Variants in CCDC6 observed in about 807,000 individuals in gnomAD.
CCDC6 encodes coiled-coil domain containing 6, also known as coiled-coil domain-containing protein 6.
CCDC6 carries 20 observed loss-of-function variants against 56.6 expected under a neutral mutation model. The observed-to-expected ratio is 0.35, with a 90% CI of 0.25 to 0.51. The LOEUF is 0.51. CCDC6 is among the 20% of genes least tolerant of loss of function. The probability of loss-of-function intolerance (pLI) is 0.95; values close to 1 mark genes in which losing one functional copy is unlikely to be tolerated. For synonymous variants in CCDC6, 241 were observed against 234.4 expected, an observed-to-expected ratio of 1.03 and a Z score of -0.26; for missense variants, 367 against 601.1, an observed-to-expected ratio of 0.61 and a Z score of 4.07.
In CCDC6 at chr10:59,825,721, T is replaced by C. The variant is rs1016599431; in HGVS notation, c.582+6804A>G. Among the ~76,000 whole-genome samples the C allele has an allele frequency of 5.3e-5, 8 of 152,206 alleles. No homozygotes were observed. The East Asian group carries it at 9.6e-4, about 18-fold the overall frequency. ...CAGTTTGGTTATATTTTTGAATGAA[T>C]TGCCTTCTAGACAACCAAGGCAGAA... is the stretch of plus-strand genomic sequence containing the variant. On this transcript the variant is annotated intron_variant, in intron 3 of 8. Coordinates refer to ENST00000263102, the MANE Select transcript of CCDC6 (RefSeq NM_005436.5).
At chr10:59,858,693 T>A (rs2071099377) in intron 1 of CCDC6, among the ~76,000 whole-genome samples, 1 of 152,178 alleles carries the variant, frequency 6.6e-6, no homozygotes. Context: ...CCTCATCATG[T>A]CAGTTCAAAA....
At chr10:59,872,137 T>C (rs189660603) in intron 1 of CCDC6, among the ~76,000 whole-genome samples, 1 of 152,360 alleles carries the variant, frequency 6.6e-6, no homozygotes, top group East Asian at 1.9e-4. Flanking sequence ...ATCTCTATGA[T>C]TAAATGTTCC....
At chr10:59,871,285 C>A (rs1018053666) in intron 1 of CCDC6, among the ~76,000 whole-genome samples, 1 of 151,956 alleles carries the variant, frequency 6.6e-6, no homozygotes, top group Admixed American at 6.6e-5. Flanking sequence ...ATCTGTCACA[C>A]CACATTCGCA....
chr10:59,815,459 G>A (rs1298975854), intron 3 of CCDC6, among the ~76,000 whole-genome samples: 1 of 152,146 alleles, frequency 6.6e-6, no homozygotes, highest in Non-Finnish European at 1.5e-5. Context: ...ACTGGATAAT[G>A]GGGGCATAGC....
chr10:59,816,598 T>C (rs1003717476), intron 3 of CCDC6, among the ~76,000 whole-genome samples: 4 of 152,222 alleles, frequency 2.6e-5, no homozygotes, highest in African/African-American at 9.6e-5. Context: ...ACAAAAATAA[T>C]GTCTGGCTCA....
At position 59,789,832 on chromosome 10, in the gene CCDC6, T is replaced by TCA. The variant is rs2070452594; in HGVS notation, c.*3084_*3085insTG. 4.6e-6 allele frequency: 1 copy of TCA among 218,826 alleles called. No homozygotes were observed. Among genetic ancestry groups the TCA allele is most frequent in the Non-Finnish European group, 9.2e-6 (1 of 108,818 alleles). The allele number at this position is 218,826 out of a possible 1,614,324, so 13.6% of individuals were successfully genotyped here. ...TTCATGTCTACCTAACAAAGGGTGATACATGTTCTATTTTCCTACAAGTGA... is the reference window on the plus strand; with the variant it reads ...TTCATGTCTACCTAACAAAGGGTGATCAACATGTTCTATTTTCCTACAAGTGA... On this transcript the variant is annotated 3_prime_UTR_variant, in exon 9 of 9. Transcript: ENST00000263102.
chr10:59,843,953 T>G (rs2070966090), intron 2 of CCDC6, among the ~76,000 whole-genome samples: 1 of 152,162 alleles, frequency 6.6e-6, no homozygotes, highest in Non-Finnish European at 1.5e-5. Flanking sequence ...AAACCACAAT[T>G]TACTATCTCA....
At chr10:59,812,241 C>T (rs755995053) in intron 5 of CCDC6, among the ~76,000 whole-genome samples, 1 of 152,030 alleles carries the variant, frequency 6.6e-6, no homozygotes, top group African/African-American at 2.4e-5. Context: ...CAAATGTCAG[C>T]TAAGGTTGAA....
At chr10:59,800,664 C>T (rs575127769) in intron 7 of CCDC6, among the ~76,000 whole-genome samples, 39 of 149,128 alleles carry the variant, frequency 2.6e-4, no homozygotes, top group African/African-American at 9.4e-4. Context: ...TGATTATAAG[C>T]TCTTAGAGGT....
chr10:59,849,403 A>C, intron 2 of CCDC6, among the ~76,000 whole-genome samples: 1 of 152,208 alleles, frequency 6.6e-6, no homozygotes, highest in East Asian at 1.9e-4. Context: ...TGGATCTTTT[A>C]AAGGGCAAAG....
chr10:59,810,391 T>C (rs562163647), intron 5 of CCDC6, among the ~76,000 whole-genome samples: 15 of 152,310 alleles, frequency 9.8e-5, no homozygotes, highest in African/African-American at 3.6e-4. Flanking sequence ...CTGCAGTCTC[T>C]TCAGACTAAA....
At chr10:59,810,185 A>G (rs1429049700) in intron 5 of CCDC6, among the ~76,000 whole-genome samples, 2 of 152,196 alleles carry the variant, frequency 1.3e-5, no homozygotes, top group African/African-American at 4.8e-5. Flanking sequence ...GCCACCTGCC[A>G]TAGCTGCATC....
At chr10:59,842,732 T>C (rs1042989796) in intron 2 of CCDC6, among the ~76,000 whole-genome samples, 1 of 151,590 alleles carries the variant, frequency 6.6e-6, no homozygotes, top group Admixed American at 6.6e-5. Flanking sequence ...TTTTTCCCTT[T>C]AGAATTTATG....
chr10:59,843,932 T>A lies in CCDC6; in HGVS notation c.453+8621A>T, dbSNP rs116562727. The stretch of plus-strand genomic sequence containing the variant: ...ACTGACTTCTGCAGCCCCAGCTCCA[T>A]ACAACGACCAAAACCACAATTTACT... On this transcript the variant is annotated intron_variant, in intron 2 of 8. Coordinates refer to ENST00000263102, the MANE Select transcript of CCDC6 (RefSeq NM_005436.5). Among the ~76,000 whole-genome samples, 947 of 152,296 alleles carry A rather than the reference T, an allele frequency of 6.2e-3. 10 individuals carry two copies. The highest frequency in any genetic ancestry group is 0.022 in the African/African-American group (911 of 41,546).
chr10:59,906,351 G>C lies in CCDC6; in HGVS notation c.74C>G (p.Ser25Trp), dbSNP rs777511271. ...GNSSSSAAMQ[S>W]SCSSTSGGGG... Reference sequence around the variant, plus strand: ...GCCGCCCGAGGTCGACGAGCAGGACGACTGCATGGCGGCCGAGCTGCTGCT... The same window carrying C: ...GCCGCCCGAGGTCGACGAGCAGGACCACTGCATGGCGGCCGAGCTGCTGCT... Residue 25 changes from serine (S) to tryptophan (W), a missense_variant, in exon 1 of 9, where the codon TCG becomes TGG. By Grantham distance (177) the Ser-to-Trp change is radical. Transcript: ENST00000263102. 8.1e-6 allele frequency: 13 copies of C among 1,597,486 alleles called. No individual in the cohort carries two copies. The highest frequency in any genetic ancestry group is 2.2e-5 in the East Asian group (1 of 44,766).
Position 59,906,435 on chromosome 10 carries a change from G to A in CCDC6, c.-11C>T, listed in dbSNP as rs756935486. 13 of 1,506,458 alleles carry A rather than the reference G, an allele frequency of 8.6e-6. No individual in the cohort carries two copies. The highest frequency in any genetic ancestry group is 6.7e-5 in the Admixed American group (3 of 44,996). 93.3% of individuals were successfully genotyped at this position (1,506,458 alleles called of 1,614,324 possible). A position where few individuals can be genotyped will look rare whatever the true frequency, so the allele number is the denominator to read the frequency against. On this transcript the variant is annotated 5_prime_UTR_variant, in exon 1 of 9. Transcript: ENST00000263102. ...GGCGCTGTCCGCCATGGCCGCGGCG[G>A]GCTGGGGAAAGGAGGAGGAGCAGCA...
rs1248645051 is a variant in CCDC6 at position 59,812,803 on chromosome 10, G to GA, written c.687-9dup. The GA allele has an allele frequency of 1.9e-6, 3 of 1,576,386 alleles. No individual in the cohort carries two copies. The highest frequency in any genetic ancestry group is 2.6e-6 in the Non-Finnish European group (3 of 1,158,600). On this transcript the variant is annotated splice_polypyrimidine_tract_variant and intron_variant, in intron 4 of 8. Transcript: ENST00000263102. The stretch of plus-strand genomic sequence containing the variant: ...AATTTTTCCTGCAGGATTCTTCATT[G>GA]AAAAGAAAAATTCCAACAATGACTA...
intron 1 of CCDC6, among the ~76,000 whole-genome samples, chr10:59,900,086 G>C (rs2071493881): frequency 6.6e-6 from 1 of 152,132 alleles, no homozygotes; most frequent in Non-Finnish European, 1.5e-5. Context: ...ACAAATTTCT[G>C]GGTGTTTCTC....
In CCDC6 at chr10:59,807,064, C is replaced by T; in HGVS notation, c.862G>A (p.Ala288Thr). 1 of 1,613,260 alleles carries T rather than the reference C, an allele frequency of 6.2e-7. No homozygotes were observed. The highest frequency in any genetic ancestry group is 8.5e-7 in the Non-Finnish European group (1 of 1,179,746). ...AAQLQHSEKM[A>T]QYLEEERHMR... ...TGACGTTCCTCCTCCAGATACTGTG[C>T]CATTTTCTCTGAATCTGAAAAGTCA... is the stretch of plus-strand genomic sequence containing the variant. Residue 288 changes from alanine (A) to threonine (T), a missense_variant, in exon 6 of 9, where the codon GCA becomes ACA. Ala to Thr is a moderately conservative substitution (Grantham distance 58). This residue lies in a region of CCDC6 where 81 missense variants were observed against 150.8 expected (regional missense o/e 0.54). Coordinates refer to ENST00000263102, the MANE Select transcript of CCDC6 (RefSeq NM_005436.5).
Sources: allele counts gnomAD v4.1 joint callset (sites outside exome capture counted in the v4.1 genomes callset), GRCh38; gene constraint gnomAD v4.1.1; regional missense constraint gnomAD v4.1.1; transcripts MANE v1.5; gene names NCBI Gene and HGNC (gene_info 2026-07-23, HGNC 2026-07-21).